Variants in ARHGEF10L observed in about 807,000 individuals in gnomAD.
ARHGEF10L encodes rho guanine nucleotide exchange factor 10-like protein.
A neutral mutation model predicts 141.2 loss-of-function variants in ARHGEF10L; 69 were observed. The observed-to-expected ratio is 0.49, with a 90% confidence interval of 0.40 to 0.60. The LOEUF is 0.60. ARHGEF10L is among the 20% of genes least tolerant of loss of function. ARHGEF10L has a pLI of 0.00. For missense variants in ARHGEF10L, 1,482 were observed against 1,734.3 expected, an observed-to-expected ratio of 0.85 and a Z score of 2.58; for synonymous variants, 711 against 718.5, an observed-to-expected ratio of 0.99 and a Z score of 0.17.
intron 26 of ARHGEF10L, among the ~76,000 whole-genome samples, chr1:17,677,978 C>T (rs1488505955): frequency 2.6e-5 from 4 of 152,194 alleles, no homozygotes; most frequent in Admixed American, 2.6e-4. Flanking sequence ...TCGGTGGTCC[C>T]TCCTTCCTCA....
intron 3 of ARHGEF10L, 145 bp from the exon 4 acceptor site, chr1:17,588,301 A>T (rs906860510): frequency 5.0e-6 from 3 of 598,496 alleles, no homozygotes; most frequent in African/African-American, 5.4e-5. Context: ...GGGCTGGGGG[A>T]GGGAGGCGGG....
At chr1:17,565,894 C>T (rs901116376) in intron 1 of ARHGEF10L, among the ~76,000 whole-genome samples, 1 of 152,100 alleles carries the variant, frequency 6.6e-6, no homozygotes, top group Non-Finnish European at 1.5e-5. Flanking sequence ...TCCTGTATTG[C>T]GGATGCTGGG....
intron 1 of ARHGEF10L, among the ~76,000 whole-genome samples, chr1:17,546,070 A>G (rs1307658122): frequency 2.0e-5 from 3 of 152,198 alleles, no homozygotes; most frequent in Non-Finnish European, 4.4e-5. Flanking sequence ...GAGGCACAGC[A>G]TCATCTGGGT....
At chr1:17,553,865 C>A (rs72927493) in intron 1 of ARHGEF10L, among the ~76,000 whole-genome samples, 1,883 of 152,296 alleles carry the variant, frequency 0.012, 33 homozygotes, top group African/African-American at 0.043. Flanking sequence ...GTGCCAGGCA[C>A]TGTGCTGGCT....
chr1:17,582,003 A>G (rs1429262372), intron 2 of ARHGEF10L, among the ~76,000 whole-genome samples: 1 of 152,130 alleles, frequency 6.6e-6, no homozygotes, highest in Non-Finnish European at 1.5e-5. Flanking sequence ...CTGTCCAGGA[A>G]CATCAGAGGC....
intron 4 of ARHGEF10L, among the ~76,000 whole-genome samples, chr1:17,599,318 C>G (rs1391624826): frequency 2.1e-5 from 3 of 141,120 alleles, no homozygotes; most frequent in Admixed American, 7.3e-5. Context: ...CCTGGGTGAC[C>G]AAGTGAGACT....
intron 10 of ARHGEF10L, among the ~76,000 whole-genome samples, chr1:17,620,226 G>A (rs1253358620): frequency 1.3e-5 from 2 of 150,770 alleles, no homozygotes; most frequent in Admixed American, 1.3e-4. Context: ...AAAAAAAATG[G>A]CTTCCTTCTT....
intron 18 of ARHGEF10L, among the ~76,000 whole-genome samples, chr1:17,637,515 T>TG (rs1212452829): frequency 2.6e-5 from 4 of 151,854 alleles, no homozygotes; most frequent in Admixed American, 1.3e-4. Flanking sequence ...TCTTTTTTTT[T>TG]TGGGTTGGAG....
chr1:17,557,607 C>T (rs989775951), intron 1 of ARHGEF10L, among the ~76,000 whole-genome samples: 7 of 152,176 alleles, frequency 4.6e-5, no homozygotes, highest in Middle Eastern at 3.2e-3. Context: ...GCTGGGACCG[C>T]GGAATCCCCA....
intron 1 of ARHGEF10L, among the ~76,000 whole-genome samples, chr1:17,541,979 G>A (rs55676958): frequency 0.081 from 12,196 of 150,302 alleles, 550 homozygotes; most frequent in African/African-American, 0.11. Context: ...AAACAAAAAC[G>A]AAAACAGAAA....
intron 28 of ARHGEF10L, among the ~76,000 whole-genome samples, chr1:17,696,212 C>CAA (rs33980606): frequency 0.76 from 95,899 of 126,914 alleles, 37,036 homozygotes; most frequent in East Asian, 0.88. Flanking sequence ...GACACCATCT[C>CAA]AAAAAAAAAA....
intron 21 of ARHGEF10L, 83 bp downstream of exon 21, chr1:17,640,385 G>A: frequency 8.1e-7 from 1 of 1,239,448 alleles, no homozygotes; most frequent in Non-Finnish European, 1.1e-6. Context: ...TACAGGATGG[G>A]TGTTCGGGGT....
At chr1:17,604,722 T>C (rs894994818) in intron 6 of ARHGEF10L, 2 of 152,266 alleles carry the variant, frequency 1.3e-5, no homozygotes, top group African/African-American at 4.8e-5. Flanking sequence ...TTCCTGTTTG[T>C]AGCTCACTTG....
At chr1:17,529,146 G>C in the ARHGEF10L span, among the ~76,000 whole-genome samples, 29 of 151,908 alleles carry the variant, frequency 1.9e-4, 1 homozygote, top group South Asian at 6.0e-3. Context: ...AGGACTACAG[G>C]CATGCACCAC....
chr1:17,538,168 T>C (rs926942755), upstream of ARHGEF10L, among the ~76,000 whole-genome samples: 1 of 152,222 alleles, frequency 6.6e-6, no homozygotes, highest in African/African-American at 2.4e-5. Flanking sequence ...GCTCTGGCTA[T>C]GACGGCAGGA....
At chr1:17,598,789 A>G (rs1157173648) in intron 4 of ARHGEF10L, among the ~76,000 whole-genome samples, 1 of 150,786 alleles carries the variant, frequency 6.6e-6, no homozygotes, top group Non-Finnish European at 1.5e-5. Flanking sequence ...TTTTTTTTAT[A>G]AAATGGTAGC....
intron 27 of ARHGEF10L, among the ~76,000 whole-genome samples, chr1:17,693,712 G>A (rs867113236): frequency 1.4e-4 from 21 of 152,196 alleles, no homozygotes; most frequent in African/African-American, 4.3e-4. Context: ...CAAGCCTTGT[G>A]TCAGATGAGA....
chr1:17,514,395 C>T, the ARHGEF10L span, among the ~76,000 whole-genome samples: 19 of 152,262 alleles, frequency 1.2e-4, no homozygotes, highest in South Asian at 3.7e-3. Flanking sequence ...CTCAGACTCC[C>T]AAAGTCCTGG....
chr1:17,628,135 C>T (rs1301926416), intron 15 of ARHGEF10L, among the ~76,000 whole-genome samples: 1 of 151,898 alleles, frequency 6.6e-6, no homozygotes, highest in African/African-American at 2.4e-5. Context: ...GTCAGGAGTT[C>T]GAGACCAGCC....
Sources: allele counts gnomAD v4.1 joint callset (sites outside exome capture counted in the v4.1 genomes callset), GRCh38; gene constraint gnomAD v4.1.1; transcripts MANE v1.5; gene names NCBI Gene and HGNC (gene_info 2026-07-23, HGNC 2026-07-21).